The following DNAJC3 variants were observed in gnomAD, a reference collection of about 807,000 sequenced individuals.
The protein encoded by DNAJC3 is DnaJ heat shock protein family (Hsp40) member C3, also known as dnaJ homolog subfamily C member 3.
Under a neutral mutation model 68.6 loss-of-function variants are expected in DNAJC3, and 38 were observed. The ratio of observed to expected loss-of-function variants is 0.55; its 90% CI spans 0.43 to 0.73. The LOEUF (loss-of-function observed/expected upper bound fraction) is 0.73, where lower values mean the gene tolerates loss of function less well. Ranked by LOEUF, DNAJC3 falls within the 30% of genes least tolerant of loss-of-function variation. The probability of loss-of-function intolerance (pLI) is 0.00; values close to 1 mark genes in which losing one functional copy is unlikely to be tolerated. For missense variants in DNAJC3, 526 were observed against 591.9 expected, an observed-to-expected ratio of 0.89 and a Z score of 1.16; for synonymous variants, 203 against 204.0, an observed-to-expected ratio of 1.00 and a Z score of 0.04.
intron 1 of DNAJC3, among the ~76,000 whole-genome samples, chr13:95,708,811 T>A (rs751565790): frequency 2.0e-5 from 3 of 152,226 alleles, no homozygotes; most frequent in Non-Finnish European, 4.4e-5. Flanking sequence ...TGTTGCTCAC[T>A]TATTGCAGAT....
intron 2 of DNAJC3, among the ~76,000 whole-genome samples, chr13:95,722,734 T>C (rs1230374630): frequency 7.2e-6 from 1 of 138,812 alleles, no homozygotes; most frequent in African/African-American, 2.8e-5. Flanking sequence ...GTGGCAGGAT[T>C]GCTTGAGCGT....
chr13:95,685,327 G>A (rs1043917353), intron 1 of DNAJC3, among the ~76,000 whole-genome samples: 9 of 152,228 alleles, frequency 5.9e-5, no homozygotes, highest in Non-Finnish European at 8.8e-5. Context: ...GTTTTAGCAC[G>A]TGCATGGGGC....
chr13:95,702,749 A>G (rs889123363), intron 1 of DNAJC3, among the ~76,000 whole-genome samples: 1 of 152,196 alleles, frequency 6.6e-6, no homozygotes, highest in African/African-American at 2.4e-5. Flanking sequence ...AGTTTATGGT[A>G]TTTTTGTTAT....
At chr13:95,761,020 C>T (rs1882804916) in intron 7 of DNAJC3, among the ~76,000 whole-genome samples, 1 of 152,184 alleles carries the variant, frequency 6.6e-6, no homozygotes, top group South Asian at 2.1e-4. Context: ...ATTACTTGTA[C>T]TATACCAAAT....
chr13:95,695,113 C>T (rs746509147), intron 1 of DNAJC3: 1 of 152,168 alleles, frequency 6.6e-6, no homozygotes, highest in African/African-American at 2.4e-5. Flanking sequence ...TTTCACCTTC[C>T]ATTTTATCCT....
intron 1 of DNAJC3, among the ~76,000 whole-genome samples, chr13:95,687,697 T>C (rs1880106419): frequency 1.3e-5 from 2 of 152,196 alleles, no homozygotes; most frequent in African/African-American, 4.8e-5. Context: ...TAGTGTGAAG[T>C]TGGGTAATGT....
At chr13:95,710,121 T>C (rs1880908123) in intron 2 of DNAJC3, among the ~76,000 whole-genome samples, 1 of 152,206 alleles carries the variant, frequency 6.6e-6, no homozygotes, top group African/African-American at 2.4e-5. Context: ...CATGTCTGTC[T>C]GTAGAATCAA....
At chr13:95,723,640 A>C (rs1407060859) in intron 3 of DNAJC3, among the ~76,000 whole-genome samples, 1 of 152,056 alleles carries the variant, frequency 6.6e-6, no homozygotes, top group African/African-American at 2.4e-5. Context: ...TGGAGGCTGG[A>C]GTGTGAGGCA....
chr13:95,694,948 G>A (rs1026910405), intron 1 of DNAJC3: 2 of 152,582 alleles, frequency 1.3e-5, no homozygotes, highest in African/African-American at 4.8e-5. Context: ...TATAGCAACA[G>A]CGTTTATAGG....
chr13:95,768,434 C>T (rs1416059413), intron 9 of DNAJC3, among the ~76,000 whole-genome samples: 1 of 152,192 alleles, frequency 6.6e-6, no homozygotes, highest in African/African-American at 2.4e-5. Flanking sequence ...GCTGCATGAA[C>T]TCCATTTGAC....
chr13:95,710,233 CTT>C (rs66976007), intron 2 of DNAJC3, among the ~76,000 whole-genome samples: 167 of 130,926 alleles, frequency 1.3e-3, no homozygotes, highest in Non-Finnish European at 1.4e-3. Context: ...CTTTTCTTTT[CTT>C]TTTTTTTTTT....
chr13:95,784,184 A>G (rs1230518653), intron 9 of DNAJC3, among the ~76,000 whole-genome samples: 1 of 152,222 alleles, frequency 6.6e-6, no homozygotes, highest in East Asian at 1.9e-4. Context: ...AAAAACAAGA[A>G]TTTTATCCCA....
chr13:95,678,851 T>C (rs1219210211), intron 1 of DNAJC3, among the ~76,000 whole-genome samples: 2 of 152,216 alleles, frequency 1.3e-5, no homozygotes, highest in African/African-American at 4.8e-5. Flanking sequence ...CCTCCTGTGG[T>C]ATTTTCCATA....
At chr13:95,678,820 G>T (rs1186958029) in intron 1 of DNAJC3, among the ~76,000 whole-genome samples, 1 of 151,996 alleles carries the variant, frequency 6.6e-6, no homozygotes, top group Non-Finnish European at 1.5e-5. Context: ...GAGTCTGTAA[G>T]GACTCTTAAC....
chr13:95,728,920 A>G (rs567455704), intron 4 of DNAJC3, among the ~76,000 whole-genome samples: 5 of 152,062 alleles, frequency 3.3e-5, no homozygotes. Flanking sequence ...GTTTGTACCC[A>G]TTAACCTCTC....
chr13:95,705,906 A>G (rs1445222862), intron 1 of DNAJC3, among the ~76,000 whole-genome samples: 1 of 152,148 alleles, frequency 6.6e-6, no homozygotes, highest in Admixed American at 6.5e-5. Flanking sequence ...CATAAGTGGC[A>G]ATTTGGTGTG....
At chr13:95,746,342 G>T (rs1882306390) in intron 4 of DNAJC3, among the ~76,000 whole-genome samples, 1 of 152,162 alleles carries the variant, frequency 6.6e-6, no homozygotes, top group Non-Finnish European at 1.5e-5. Flanking sequence ...CCTTCTGGAG[G>T]AAGATTACAC....
rs1260021907 is a variant in DNAJC3, at chr13:95,723,342, T to G, written c.294T>G (p.Ile98Met). Residue 98 changes from isoleucine (I) to methionine (M), a missense_variant, in exon 3 of 12, where the codon ATT becomes ATG. Coordinates refer to ENST00000602402, the MANE Select transcript of DNAJC3 (RefSeq NM_006260.5). ...CACTTCCTGATTTAACTAAAGTGAT[T>G]CAATTGAAGATGGACTTCACTGCAG... Reference protein sequence around the residue: ...KAALPDLTKVIQLKMDFTAAR... With the variant: ...KAALPDLTKVMQLKMDFTAAR... 6.2e-7 allele frequency: 1 copy of G among 1,612,144 alleles called. No individual in the cohort carries two copies. Among genetic ancestry groups the G allele is most frequent in the South Asian group, 1.1e-5 (1 of 90,900 alleles).
At chr13:95,725,475 G>A (rs993419073) in intron 4 of DNAJC3, among the ~76,000 whole-genome samples, 4 of 152,048 alleles carry the variant, frequency 2.6e-5, no homozygotes, top group Non-Finnish European at 4.4e-5. Context: ...AAGGTAAAGC[G>A]TACCCAATAG....
Sources: allele counts gnomAD v4.1 joint callset (sites outside exome capture counted in the v4.1 genomes callset), GRCh38; gene constraint gnomAD v4.1.1; transcripts MANE v1.5; gene names NCBI Gene and HGNC (gene_info 2026-07-23, HGNC 2026-07-21).